Variants in COL5A1 observed in about 807,000 individuals in gnomAD.
COL5A1 encodes collagen type V alpha 1 chain.
A neutral mutation model predicts 263.7 loss-of-function variants in COL5A1; 16 were observed. The observed-to-expected ratio is 0.06, with a 90% CI of 0.04 to 0.09. COL5A1 has a LOEUF of 0.09. COL5A1 is among the 10% of genes least tolerant of loss of function. COL5A1 has a pLI of 1.00. For synonymous variants in COL5A1, 1,012 were observed against 1,004.5 expected, an observed-to-expected ratio of 1.01 and a Z score of -0.14; for missense variants, 2,036 against 2,540.5, an observed-to-expected ratio of 0.80 and a Z score of 4.27.
chr9:134,778,952 A>G (rs1476842836), intron 27 of COL5A1, among the ~76,000 whole-genome samples: 1 of 152,242 alleles, frequency 6.6e-6, no homozygotes, highest in African/African-American at 2.4e-5. Context: ...CACGCAGCCC[A>G]AGGCCAGCCA....
intron 28 of COL5A1, among the ~76,000 whole-genome samples, chr9:134,781,054 G>T (rs777427036): frequency 6.6e-6 from 1 of 152,258 alleles, no homozygotes; most frequent in African/African-American, 2.4e-5. Context: ...GATGGTCCAC[G>T]TGCCGAGACT....
At chr9:134,747,810 CAT>C (rs1206607514) in intron 11 of COL5A1, among the ~76,000 whole-genome samples, 1 of 135,552 alleles carries the variant, frequency 7.4e-6, no homozygotes, top group Non-Finnish European at 1.6e-5. Flanking sequence ...CATGCAGACA[CAT>C]GCACACATGC....
intron 16 of COL5A1, 100 bp from the exon 17 acceptor site, chr9:134,756,665 C>T (rs2132695605): frequency 7.6e-7 from 1 of 1,320,620 alleles, no homozygotes; most frequent in African/African-American, 1.4e-5. Flanking sequence ...GGGCGCGGCT[C>T]TGGTGGAACG....
intron 18 of COL5A1, among the ~76,000 whole-genome samples, 175 bp from the exon 19 acceptor site, chr9:134,761,750 C>T (rs1165382328): frequency 2.0e-5 from 3 of 152,218 alleles, no homozygotes; most frequent in East Asian, 1.9e-4. Flanking sequence ...CTGCAGCCTG[C>T]ATTAGCCCGG....
chr9:134,718,459 G>T (rs1428019395), intron 4 of COL5A1, among the ~76,000 whole-genome samples: 2 of 152,242 alleles, frequency 1.3e-5, no homozygotes, highest in Non-Finnish European at 2.9e-5. Context: ...GGCAGCCACA[G>T]GGCCAGCTGT....
chr9:134,783,611 G>T (rs1416294404), intron 29 of COL5A1, among the ~76,000 whole-genome samples: 1 of 152,158 alleles, frequency 6.6e-6, no homozygotes, highest in Non-Finnish European at 1.5e-5. Context: ...CTGCAGCAGG[G>T]CTGTCACCCA....
intron 59 of COL5A1, among the ~76,000 whole-genome samples, chr9:134,822,426 G>A (rs1266391015): frequency 1.1e-4 from 17 of 152,170 alleles, no homozygotes; most frequent in Non-Finnish European, 7.4e-5. Flanking sequence ...GTAGGCATCT[G>A]GGGAGGGTGC....
chr9:134,705,029 G>A (rs1470935757), intron 4 of COL5A1, among the ~76,000 whole-genome samples: 1 of 152,174 alleles, frequency 6.6e-6, no homozygotes, highest in African/African-American at 2.4e-5. Flanking sequence ...TATTCCTCCA[G>A]CAGCCCCAAT....
intron 63 of COL5A1, among the ~76,000 whole-genome samples, chr9:134,826,775 T>C (rs1418389779): frequency 4.9e-5 from 7 of 142,692 alleles, no homozygotes; most frequent in African/African-American, 2.0e-4. Flanking sequence ...TGTGGGTGTG[T>C]AGATGGTGTT....
rs779707124 is a variant in COL5A1, at chr9:134,815,947, C to A, written c.4081C>A (p.Pro1361Thr). The A allele has an allele frequency of 1.9e-6, 3 of 1,613,958 alleles. No individual in the cohort carries two copies. The highest frequency in any genetic ancestry group is 1.7e-5 in the Admixed American group (1 of 60,002). The change falls in exon 52 of 66, where the codon CCC (proline) becomes ACC (threonine). Residue 1361 changes from proline to threonine, a missense_variant. This residue lies in a region of COL5A1 where 1,078 missense variants were observed against 1,521.4 expected (regional missense o/e 0.71). Coordinates refer to ENST00000371817, the MANE Select transcript of COL5A1 (RefSeq NM_000093.5). ...TTTGCCTCCATAGGGTCAAGATGGT[C>A]CCCCTGGTGACAAAGGAGATGATGG... ...GEPGPAGQDG[P>T]PGDKGDDGEP...
chr9:134,698,046 T>C (rs988788878), intron 2 of COL5A1, among the ~76,000 whole-genome samples: 7 of 152,106 alleles, frequency 4.6e-5, no homozygotes, highest in African/African-American at 1.7e-4. Flanking sequence ...ATCTCACCAC[T>C]GCACTCCAAC....
In COL5A1 at chr9:134,701,939, G is replaced by A. The variant is rs535318325; in HGVS notation, c.654+606G>A. On this transcript the variant is annotated intron_variant, in intron 4 of 65. Coordinates refer to ENST00000371817, the MANE Select transcript of COL5A1 (RefSeq NM_000093.5). ...AGCCCTTCATAGGTTGGGGTTCTGC[G>A]TGAGAGAGCAGGAGAATGCCCCGTC... Among the ~76,000 whole-genome samples, 18 of 152,336 alleles carry A rather than the reference G, an allele frequency of 1.2e-4. No homozygotes were observed. In the East Asian group the frequency reaches 2.7e-3, roughly 23 times the overall value.
At chr9:134,651,708 G>C (rs1039733629) in intron 1 of COL5A1, among the ~76,000 whole-genome samples, 7 of 152,196 alleles carry the variant, frequency 4.6e-5, no homozygotes, top group Non-Finnish European at 1.0e-4. Flanking sequence ...TTGCCCATGG[G>C]CTCTGCACAG....
rs1379867905 is a variant in COL5A1, at chr9:134,763,687, C to T, written c.1990-6C>T. On this transcript the variant is annotated splice_polypyrimidine_tract_variant and splice_region_variant and intron_variant, in intron 19 of 65. Transcript: ENST00000371817. Reference sequence around the variant, plus strand: ...TCTCTAACCTTGCCTTTTTTCTCCTCTGCAGGGTGACGACGGAGAAGTTGG... The same window carrying T: ...TCTCTAACCTTGCCTTTTTTCTCCTTTGCAGGGTGACGACGGAGAAGTTGG... 6.2e-7 allele frequency: 1 copy of T among 1,613,556 alleles called. No individual in the cohort carries two copies. The highest frequency in any genetic ancestry group is 1.1e-5 in the South Asian group (1 of 91,016).
intron 2 of COL5A1, among the ~76,000 whole-genome samples, chr9:134,693,978 C>CAGTTGTAGAG (rs1554780632): frequency 2.7e-4 from 41 of 152,326 alleles, no homozygotes; most frequent in Non-Finnish European, 4.4e-5. Flanking sequence ...TCTAGAGACC[C>CAGTTGTAGAG]GTACCTGCCT....
chr9:134,745,330 C>T (rs954130113), intron 11 of COL5A1, among the ~76,000 whole-genome samples: 1 of 152,238 alleles, frequency 6.6e-6, no homozygotes. Flanking sequence ...GGACAGCTGG[C>T]AGGAGCTGCA....
chr9:134,654,580 GGTGT>G (rs1831858449), intron 1 of COL5A1, among the ~76,000 whole-genome samples: 1 of 127,802 alleles, frequency 7.8e-6, no homozygotes, highest in African/African-American at 3.1e-5. Flanking sequence ...TAGGGCTGGG[GGTGT>G]GTAGGGCTGG....
intron 2 of COL5A1, among the ~76,000 whole-genome samples, chr9:134,693,518 T>C (rs1833357067): frequency 6.6e-6 from 1 of 152,134 alleles, no homozygotes; most frequent in South Asian, 2.1e-4. Context: ...TCATGGCAGA[T>C]GAAGCTGGAG....
intron 4 of COL5A1, among the ~76,000 whole-genome samples, chr9:134,724,397 G>C (rs1469067266): frequency 6.6e-6 from 1 of 152,218 alleles, no homozygotes; most frequent in Non-Finnish European, 1.5e-5. Flanking sequence ...GCCAGGCAAC[G>C]GCTGGAGCTG....
Sources: allele counts gnomAD v4.1 joint callset (sites outside exome capture counted in the v4.1 genomes callset), GRCh38; gene constraint gnomAD v4.1.1; regional missense constraint gnomAD v4.1.1; transcripts MANE v1.5; gene names NCBI Gene and HGNC (gene_info 2026-07-23, HGNC 2026-07-21).